The following MAN1A1 variants were observed in gnomAD, a reference collection of about 807,000 sequenced individuals.
MAN1A1 encodes the protein mannosyl-oligosaccharide 1,2-alpha-mannosidase IA.
In MAN1A1, 29 loss-of-function variants were observed where a neutral mutation model predicts 70.8. The ratio of observed to expected loss-of-function variants is 0.41; its 90% CI spans 0.31 to 0.56. The LOEUF is 0.56. Among genes scored for constraint, MAN1A1 ranks in the 20% least tolerant of loss-of-function variants. The pLI is 0.29. For missense variants in MAN1A1, 747 were observed against 841.3 expected (o/e 0.89, Z 1.39); for synonymous variants, 349 against 330.1 (o/e 1.06, Z -0.62).
At chr6:119,322,921 G>C (rs1283449371) in intron 2 of MAN1A1, among the ~76,000 whole-genome samples, 1 of 152,222 alleles carries the variant, frequency 6.6e-6, no homozygotes, top group East Asian at 1.9e-4. Context: ...CCCACAGCAA[G>C]GTGGTGGCTG....
In MAN1A1 at chr6:119,288,235, T is replaced by A. The variant is rs78712990; in HGVS notation, c.897+2448A>T. Among the ~76,000 whole-genome samples the A allele has an allele frequency of 4.0e-3, 614 of 152,092 alleles. 4 individuals are homozygous for A. The highest frequency in any genetic ancestry group is 5.6e-3 in the Non-Finnish European group (379 of 67,892). On this transcript the variant is annotated intron_variant, in intron 5 of 12. Transcript: ENST00000368468. ...CAATGTGGGGTCTATCTACTTCTGA[T>A]GGTGATTTGTTCTTAAAATACTCCT... is the stretch of plus-strand genomic sequence containing the variant.
At chr6:119,228,154 G>A (rs1253605182) in intron 6 of MAN1A1, among the ~76,000 whole-genome samples, 4 of 152,286 alleles carry the variant, frequency 2.6e-5, no homozygotes, top group Middle Eastern at 6.8e-3. Context: ...GGTTCAGAGA[G>A]ACCCCTGTAA....
At chr6:119,260,354 A>G (rs1408554697) in intron 5 of MAN1A1, among the ~76,000 whole-genome samples, 1 of 152,214 alleles carries the variant, frequency 6.6e-6, no homozygotes, top group East Asian at 1.9e-4. Flanking sequence ...AGGATACACC[A>G]GAACTTATTT....
Position 119,348,772 on chromosome 6 carries a change from G to GGCC in MAN1A1, c.291_293dup (p.Ala98dup). On this transcript the variant is annotated inframe_insertion, in exon 2 of 13. Transcript: ENST00000368468. ...CCTCGCGGCGCCGGGCTCGCCCCTC[G>GGCC]GCCGCGTCCTCGGCGCGCGCCCCGG... 6.8e-7 allele frequency: 1 copy of GGCC among 1,461,166 alleles called. No homozygotes were observed. The highest frequency in any genetic ancestry group is 9.0e-7 in the Non-Finnish European group (1 of 1,109,388). 90.5% of individuals were successfully genotyped at this position (1,461,166 alleles called of 1,614,324 possible).
chr6:119,306,659 C>A (rs1037648407), intron 3 of MAN1A1, among the ~76,000 whole-genome samples: 2 of 152,144 alleles, frequency 1.3e-5, no homozygotes, highest in African/African-American at 4.8e-5. Context: ...AAGTATGCCC[C>A]AGGCGTCAGT....
At chr6:119,322,530 C>T (rs1773037949) in intron 2 of MAN1A1, among the ~76,000 whole-genome samples, 1 of 152,100 alleles carries the variant, frequency 6.6e-6, no homozygotes, top group Non-Finnish European at 1.5e-5. Flanking sequence ...CAATAAAATG[C>T]CACTATGTAC....
At chr6:119,335,160 A>C (rs1773420185) in intron 2 of MAN1A1, among the ~76,000 whole-genome samples, 1 of 152,246 alleles carries the variant, frequency 6.6e-6, no homozygotes, top group Non-Finnish European at 1.5e-5. Flanking sequence ...ATTGGTCAAT[A>C]CAGCAATACT....
intron 3 of MAN1A1, among the ~76,000 whole-genome samples, chr6:119,305,024 T>C (rs1292080867): frequency 1.3e-5 from 2 of 152,146 alleles, no homozygotes; most frequent in African/African-American, 2.4e-5. Flanking sequence ...AATAAGAAAA[T>C]CATTATGTAT....
intron 9 of MAN1A1, among the ~76,000 whole-genome samples, chr6:119,190,567 A>T (rs540141043): frequency 6.6e-6 from 1 of 152,220 alleles, no homozygotes; most frequent in Admixed American, 6.5e-5. Context: ...ACTTGATAAG[A>T]GTCATTTATA....
chr6:119,349,248 G>A lies in MAN1A1; in HGVS notation c.-183C>T. 5.8e-6 allele frequency: 7 copies of A among 1,213,892 alleles called. No individual in the cohort carries two copies. Among genetic ancestry groups the A allele is most frequent in the Non-Finnish European group, 7.2e-6 (7 of 977,070 alleles). 75.2% of individuals were successfully genotyped at this position (1,213,892 alleles called of 1,614,324 possible). A position where few individuals can be genotyped will look rare whatever the true frequency, so the allele number is the denominator to read the frequency against. On this transcript the variant is annotated 5_prime_UTR_variant, in exon 2 of 13. Transcript: ENST00000368468. Reference sequence around the variant, plus strand: ...GGTCTTCTCCCCGGGGCGGCTCCTCGGGCACACAGGCACGCGCGACAGACC... The same window carrying A: ...GGTCTTCTCCCCGGGGCGGCTCCTCAGGCACACAGGCACGCGCGACAGACC...
At chr6:119,186,701 G>T (rs1773299702) in intron 11 of MAN1A1, among the ~76,000 whole-genome samples, 1 of 152,166 alleles carries the variant, frequency 6.6e-6, no homozygotes, top group Admixed American at 6.5e-5. Context: ...GTATGCATCA[G>T]AACAGCCAAG....
At chr6:119,320,941 T>C (rs1772987638) in intron 2 of MAN1A1, among the ~76,000 whole-genome samples, 1 of 152,212 alleles carries the variant, frequency 6.6e-6, no homozygotes, top group Non-Finnish European at 1.5e-5. Context: ...AAGGGGGTCT[T>C]GTTAAAAAAT....
chr6:119,285,534 T>C (rs906106807), intron 5 of MAN1A1, among the ~76,000 whole-genome samples: 16 of 152,296 alleles, frequency 1.1e-4, no homozygotes, highest in African/African-American at 2.6e-4. Context: ...CTATATTGCA[T>C]AGCTGTTATT....
chr6:119,230,043 A>C (rs1426712433), intron 6 of MAN1A1, among the ~76,000 whole-genome samples: 1 of 152,202 alleles, frequency 6.6e-6, no homozygotes, highest in Non-Finnish European at 1.5e-5. Flanking sequence ...ATCTGATGAC[A>C]GATGATCTCA....
chr6:119,181,950 C>G (rs1773164187), intron 11 of MAN1A1, among the ~76,000 whole-genome samples: 1 of 152,144 alleles, frequency 6.6e-6, no homozygotes. Flanking sequence ...TTTGAGAAAC[C>G]TCCATACTGT....
chr6:119,348,179 T>C (rs1773787375), intron 2 of MAN1A1, among the ~76,000 whole-genome samples: 2 of 152,210 alleles, frequency 1.3e-5, no homozygotes, highest in Admixed American at 1.3e-4. Flanking sequence ...GGTTTGCGTA[T>C]TACCTGCCCA....
chr6:119,259,059 T>G (rs753590706), intron 5 of MAN1A1, among the ~76,000 whole-genome samples: 2 of 152,198 alleles, frequency 1.3e-5, no homozygotes, highest in African/African-American at 4.8e-5. Context: ...TCAGGAATAA[T>G]AGAAGGATAC....
chr6:119,239,022 C>T (rs1774930700), intron 6 of MAN1A1, among the ~76,000 whole-genome samples: 1 of 152,112 alleles, frequency 6.6e-6, no homozygotes, highest in Non-Finnish European at 1.5e-5. Flanking sequence ...TGCAGAGTAG[C>T]TGGGACTACA....
Position 119,189,738 on chromosome 6 carries a change from T to TCTC in MAN1A1, c.1471_1472insGAG (p.Pro490_Glu491insGly). ...TTCAAGGTAGTGTTGGGCCATGCCT[T>TCTC]CGGGAGCTGCATCAGCCCCGAGTGC... On this transcript the variant is annotated inframe_insertion, in exon 10 of 13. Coordinates refer to ENST00000368468, the MANE Select transcript of MAN1A1 (RefSeq NM_005907.4). The TCTC allele has an allele frequency of 6.2e-7, 1 of 1,614,062 alleles. No individual in the cohort carries two copies. Among genetic ancestry groups the TCTC allele is most frequent in the South Asian group, 1.1e-5 (1 of 91,072 alleles).
Sources: allele counts gnomAD v4.1 joint callset (sites outside exome capture counted in the v4.1 genomes callset), GRCh38; gene constraint gnomAD v4.1.1; transcripts MANE v1.5; gene names NCBI Gene and HGNC (gene_info 2026-07-23, HGNC 2026-07-21).